ATP10D: variants seen among roughly 807,000 people sequenced by gnomAD.
ATP10D encodes phospholipid-transporting ATPase VD.
In ATP10D, 89 loss-of-function variants were observed where a neutral mutation model predicts 144.8. The ratio of observed to expected loss-of-function variants is 0.61; its 90% CI spans 0.52 to 0.73. The LOEUF is 0.73. Among genes scored for constraint, ATP10D ranks in the 30% least tolerant of loss-of-function variants. The probability of loss-of-function intolerance (pLI) is 0.00; values close to 1 mark genes in which losing one functional copy is unlikely to be tolerated. For synonymous variants in ATP10D, 571 were observed against 615.1 expected (o/e 0.93, Z 1.06); for missense variants, 1,603 against 1,714.8 (o/e 0.93, Z 1.15).
Position 47,569,025 on chromosome 4 carries a change from G to A in ATP10D, c.3042G>A (p.Lys1014=). The part of the protein sequence containing the change: ...LEFALQESLQ[K]QFLELTSWCQ... ...TTGCCCTGCAAGAAAGTCTGCAAAA[G>A]CAGTTCCTGGAACTGACATCTTGGT... The change falls in exon 16 of 23, where the codon AAG becomes AAA. Residue 1014 remains lysine, a synonymous_variant. Coordinates refer to ENST00000273859, the MANE Select transcript of ATP10D (RefSeq NM_020453.4). The A allele has an allele frequency of 1.2e-6, 2 of 1,614,208 alleles. No homozygotes were observed. Among genetic ancestry groups the A allele is most frequent in the South Asian group, 1.1e-5 (1 of 91,084 alleles).
rs1719062432 is a variant in ATP10D, at chr4:47,557,848, C to T, written c.2009C>T (p.Ser670Leu). The T allele has an allele frequency of 1.9e-6, 3 of 1,614,130 alleles. No homozygotes were observed. The highest frequency in any genetic ancestry group is 2.2e-5 in the East Asian group (1 of 44,900). The stretch of plus-strand genomic sequence containing the variant: ...CTCTTTAGTCGAATGAAACCAGCTT[C>T]ACCTGTGGAGGAAGAGGTCTCCCAG... ...LPLFSRMKPA[S>L]PVEEEVSQVC... Residue 670 changes from serine (S) to leucine (L), a missense_variant, in exon 12 of 23, where the codon TCA (serine) becomes TTA (leucine). Coordinates refer to ENST00000273859, the MANE Select transcript of ATP10D (RefSeq NM_020453.4).
In ATP10D at chr4:47,534,926, G is replaced by A. The variant is rs753476810; in HGVS notation, c.777-583G>A. The stretch of plus-strand genomic sequence containing the variant: ...AGAATCAACCCAAATCCCCATCAGC[G>A]GTAGAATGGATAAAGAAAATGTGAC... On this transcript the variant is annotated intron_variant, in intron 5 of 22. Transcript: ENST00000273859. 1.6e-4 allele frequency among the ~76,000 whole-genome samples: 24 copies of A among 152,088 alleles called. No homozygotes were observed. In the South Asian group the frequency reaches 2.5e-3, roughly 16 times the overall value.
intron 9 of ATP10D, among the ~76,000 whole-genome samples, chr4:47,541,954 G>T (rs1718154682): frequency 6.6e-6 from 1 of 151,990 alleles, no homozygotes; most frequent in Non-Finnish European, 1.5e-5. Context: ...AAGAATTCCT[G>T]CCCTGCTTTG....
intron 1 of ATP10D, among the ~76,000 whole-genome samples, chr4:47,500,773 A>G (rs1433544983): frequency 6.6e-6 from 1 of 152,158 alleles, no homozygotes; most frequent in Non-Finnish European, 1.5e-5. Context: ...TTCTCTTTGG[A>G]TAGCTTTGGT....
At chr4:47,559,154 CTTT>C in intron 13 of ATP10D, 125 bp downstream of exon 13, 1 of 661,210 alleles carries the variant, frequency 1.5e-6, no homozygotes, top group Non-Finnish European at 2.6e-6. Context: ...CACTGGCTCT[CTTT>C]TTACCTTCTC....
intron 2 of ATP10D, among the ~76,000 whole-genome samples, chr4:47,514,271 T>C (rs1412429490): frequency 6.6e-6 from 1 of 152,206 alleles, no homozygotes; most frequent in Non-Finnish European, 1.5e-5. Flanking sequence ...TTAATGGCTA[T>C]GTAGCCCTAT....
chr4:47,567,510 A>G (rs1719704221), intron 15 of ATP10D, among the ~76,000 whole-genome samples: 1 of 152,218 alleles, frequency 6.6e-6, no homozygotes, highest in Admixed American at 6.5e-5. Flanking sequence ...ATGGTATTGC[A>G]GCTGTATTCT....
chr4:47,494,763 T>C (rs1715266489), intron 1 of ATP10D, among the ~76,000 whole-genome samples: 1 of 152,206 alleles, frequency 6.6e-6, no homozygotes. Flanking sequence ...AAAGTATAAC[T>C]GACTTATTTT....
At chr4:47,491,289 T>C in intron 1 of ATP10D, 1 of 824,726 alleles carries the variant, frequency 1.2e-6, no homozygotes, top group Non-Finnish European at 1.9e-6. Context: ...AGTTTTGCCA[T>C]GGTAACACTG....
At chr4:47,519,217 T>G (rs992514737) in intron 3 of ATP10D, among the ~76,000 whole-genome samples, 1 of 152,232 alleles carries the variant, frequency 6.6e-6, no homozygotes, top group African/African-American at 2.4e-5. Context: ...CCTTCATTCT[T>G]ACTTCTCCCT....
rs1296983422 is a variant in ATP10D at position 47,572,868 on chromosome 4, G to T, written c.3241-4G>T. On this transcript the variant is annotated splice_region_variant and splice_polypyrimidine_tract_variant and intron_variant, in intron 17 of 22. Transcript: ENST00000273859. ...ATGGCATTCTCTCCCCATTGCATCTGCAGGCTGTGATGGCCAGTGACTTTG... is the reference window on the plus strand; with the variant it reads ...ATGGCATTCTCTCCCCATTGCATCTTCAGGCTGTGATGGCCAGTGACTTTG... 2 of 1,613,998 alleles carry T rather than the reference G, an allele frequency of 1.2e-6. No homozygotes were observed. The highest frequency in any genetic ancestry group is 1.7e-6 in the Non-Finnish European group (2 of 1,179,998).
intron 1 of ATP10D, among the ~76,000 whole-genome samples, chr4:47,496,229 C>T (rs535278533): frequency 1.4e-5 from 2 of 146,764 alleles, no homozygotes; most frequent in Admixed American, 1.4e-4. Context: ...ATGATCTCAG[C>T]TCACAGAAAC....
intron 10 of ATP10D, among the ~76,000 whole-genome samples, chr4:47,549,419 A>G (rs1366270189): frequency 6.6e-6 from 1 of 152,184 alleles, no homozygotes. Context: ...TGTCTCCCCC[A>G]GGTAGAATGT....
chr4:47,563,884 T>C, intron 15 of ATP10D, 119 bp downstream of exon 15: 1 of 1,015,846 alleles, frequency 9.8e-7, no homozygotes, highest in Non-Finnish European at 1.4e-6. Flanking sequence ...CTTTTTTTGT[T>C]GTTTGTTTGT....
chr4:47,535,318 A>AG (rs1309321783), intron 5 of ATP10D, among the ~76,000 whole-genome samples, 191 bp from the exon 6 acceptor site: 1 of 23,676 alleles, frequency 4.2e-5, no homozygotes, highest in Non-Finnish European at 1.5e-4. Flanking sequence ...CTAAAAGTCT[A>AG]AAAAAAAAAA....
chr4:47,573,792 T>A (rs1287946513), intron 18 of ATP10D, among the ~76,000 whole-genome samples: 1 of 152,162 alleles, frequency 6.6e-6, no homozygotes, highest in Admixed American at 6.5e-5. Context: ...TCTATTAAAA[T>A]ACCATTTTTA....
rs956878328 is a variant in ATP10D, at chr4:47,552,920, G to A, written c.1636-1806G>A. ...TCCTAATACCCATTAAACTCTCTGA[G>A]AAATGCTGAAATTAAAAAACTTGTT... On this transcript the variant is annotated intron_variant, in intron 10 of 22. Coordinates refer to ENST00000273859, the MANE Select transcript of ATP10D (RefSeq NM_020453.4). 5.3e-5 allele frequency among the ~76,000 whole-genome samples: 8 copies of A among 152,296 alleles called. No homozygotes were observed. The East Asian group carries it at 1.5e-3, about 29-fold the overall frequency.
intron 22 of ATP10D, among the ~76,000 whole-genome samples, chr4:47,589,110 A>G (rs1720916807): frequency 6.6e-6 from 1 of 152,140 alleles, no homozygotes; most frequent in South Asian, 2.1e-4. Context: ...CTATGGGATC[A>G]TGGATTCCTT....
chr4:47,551,536 T>C (rs933804768), intron 10 of ATP10D, among the ~76,000 whole-genome samples: 1 of 152,228 alleles, frequency 6.6e-6, no homozygotes, highest in Non-Finnish European at 1.5e-5. Flanking sequence ...TCTTTCCTTA[T>C]AGGATATGAG....
Sources: gnomAD v4.1 joint callset for allele counts (sites outside exome capture counted in the v4.1 genomes callset) on GRCh38, gnomAD v4.1.1 for gene constraint, MANE v1.5 for transcripts, NCBI Gene and HGNC (gene_info 2026-07-23, HGNC 2026-07-21) for gene names.